Variants in C5orf34 observed in about 807,000 individuals in gnomAD.
C5orf34 encodes the protein uncharacterized protein C5orf34.
Under a neutral mutation model 78.4 loss-of-function variants are expected in C5orf34, and 73 were observed. That is an observed-to-expected ratio of 0.93 (90% CI 0.77 to 1.13). The LOEUF (loss-of-function observed/expected upper bound fraction) is 1.13. Ranked by LOEUF, C5orf34 falls within the 50% of genes most tolerant of loss-of-function variation. C5orf34 has a pLI of 0.00. For missense variants in C5orf34, 730 were observed against 732.7 expected, an observed-to-expected ratio of 1.00 and a Z score of 0.04; for synonymous variants, 251 against 246.6, an observed-to-expected ratio of 1.02 and a Z score of -0.17.
chr5:43,488,894 G>A lies in C5orf34; in HGVS notation c.1680-945C>T, dbSNP rs150869000. On this transcript the variant is annotated intron_variant, in intron 11 of 12. Transcript: ENST00000306862. ...GTCACCAGAAAAATCTTCACAGTTC[G>A]TAGTAGGTTGTGTGACTTGTCTGCT... Among the ~76,000 whole-genome samples, 796 of 152,118 alleles carry A rather than the reference G, an allele frequency of 5.2e-3. 9 individuals carry two copies. Among genetic ancestry groups the A allele is most frequent in the African/African-American group, 0.017 (698 of 41,508 alleles).
intron 3 of C5orf34, 101 bp downstream of exon 3, chr5:43,508,476 C>T: frequency 1.5e-6 from 1 of 681,858 alleles, no homozygotes; most frequent in South Asian, 1.9e-5. Flanking sequence ...CAATGTATCC[C>T]CAGGTGTCCT....
chr5:43,509,432 T>C, intron 1 of C5orf34, 57 bp from the exon 2 acceptor site: 1 of 1,039,462 alleles, frequency 9.6e-7, no homozygotes, highest in Non-Finnish European at 1.3e-6. Flanking sequence ...ACAAAACTTT[T>C]ATCAAAATAA....
At position 43,502,436 on chromosome 5, in the gene C5orf34, T is replaced by G. The variant is rs758035854; in HGVS notation, c.1088A>C (p.Lys363Thr). The G allele has an allele frequency of 6.3e-7, 1 of 1,596,678 alleles. No individual in the cohort carries two copies. Among genetic ancestry groups the G allele is most frequent in the Non-Finnish European group, 8.6e-7 (1 of 1,164,926 alleles). Residue 363 changes from lysine (K) to threonine (T), a missense_variant, in exon 6 of 13, where the codon AAA (lysine) becomes ACA (threonine). By Grantham distance (78) the Lys-to-Thr change is moderately conservative (BLOSUM62 -1). Transcript: ENST00000306862. ...GTTCCCAAAATAAGCCCCTTCTGATTTGAAAACAGATCCATCCCCAGAATA... is the reference window on the plus strand; with the variant it reads ...GTTCCCAAAATAAGCCCCTTCTGATGTGAAAACAGATCCATCCCCAGAATA... ...EIYSGDGSVF[K>T]SEGAYFGNYF...
Position 43,486,988 on chromosome 5 carries a change from A to G in C5orf34, c.1844T>C (p.Val615Ala), listed in dbSNP as rs775188344. The G allele has an allele frequency of 5.7e-6, 9 of 1,589,288 alleles. No individual in the cohort carries two copies. The Admixed American group carries it at 1.6e-4, about 28-fold the overall frequency. The change falls in exon 13 of 13, where the codon GTA becomes GCA. Residue 615 changes from valine to alanine, a missense_variant. Physicochemically the swap from Val to Ala is moderately conservative, Grantham distance 64. Coordinates refer to ENST00000306862, the MANE Select transcript of C5orf34 (RefSeq NM_198566.4). ...AGAGGTTTTTTTCAATGCTATTGAT[A>G]CTCTATTTTCATTAACTTCTCCTAG... ...TLLGEVNENR[V>A]SIALKKTSEI...
At chr5:43,514,708 T>C (rs1340387908) in intron 1 of C5orf34, 98 bp downstream of exon 1, 3 of 152,198 alleles carry the variant, frequency 2.0e-5, no homozygotes, top group African/African-American at 2.4e-5. Context: ...ACAAGTCTGT[T>C]CTTGACATGA....
rs185194978 is a variant in C5orf34, at chr5:43,495,583, G to A, written c.1153-982C>T. ...CACTCAAAGCTTCATGGTGCATTTCGACAGATTTTACTTCTGTTGTAATGT... is the reference window on the plus strand; with the variant it reads ...CACTCAAAGCTTCATGGTGCATTTCAACAGATTTTACTTCTGTTGTAATGT... On this transcript the variant is annotated intron_variant, in intron 6 of 12. Coordinates refer to ENST00000306862, the MANE Select transcript of C5orf34 (RefSeq NM_198566.4). The A allele has an allele frequency of 2.0e-4, 328 of 1,611,984 alleles. 2 individuals are homozygous for A. The East Asian group carries it at 6.3e-3, about 31-fold the overall frequency.
At position 43,514,991 on chromosome 5, in the gene C5orf34, G is replaced by A. The variant is rs1028071702; in HGVS notation, c.-222C>T. The stretch of plus-strand genomic sequence containing the variant: ...GTGAAAGAAAAAAATCACAACCCTA[G>A]AGGAATAAGGTGGCAGGGAGAGTGT... On this transcript the variant is annotated 5_prime_UTR_variant, in exon 1 of 13. Transcript: ENST00000306862. 8 of 152,196 alleles carry A rather than the reference G, an allele frequency of 5.3e-5. No individual in the cohort carries two copies. The highest frequency in any genetic ancestry group is 5.2e-4 in the Admixed American group (8 of 15,278). 9.4% of individuals were successfully genotyped at this position (152,196 alleles called of 1,614,324 possible).
intron 1 of C5orf34, among the ~76,000 whole-genome samples, chr5:43,513,149 ATCT>A (rs1186896839): frequency 2.6e-5 from 4 of 152,044 alleles, no homozygotes; most frequent in African/African-American, 7.2e-5. Context: ...ATCATCTGTA[ATCT>A]TCTGAGGATA....
intron 3 of C5orf34, among the ~76,000 whole-genome samples, chr5:43,507,894 T>C (rs1336262087): frequency 6.6e-6 from 1 of 151,710 alleles, no homozygotes; most frequent in Non-Finnish European, 1.5e-5. Context: ...CTGGCTAACA[T>C]GATGAAACCC....
intron 6 of C5orf34, among the ~76,000 whole-genome samples, chr5:43,496,943 T>A (rs2112289554): frequency 6.6e-6 from 1 of 152,268 alleles, no homozygotes; most frequent in South Asian, 2.1e-4. Context: ...GTAACCAAAC[T>A]AATTTTCCTA....
chr5:43,503,728 T>A lies in C5orf34; in HGVS notation c.965A>T (p.Gln322Leu). The change falls in exon 5 of 13, where the codon CAA (glutamine) becomes CTA (leucine). Residue 322 changes from glutamine (Q) to leucine (L), a missense_variant. Gln to Leu is a moderately radical substitution (Grantham distance 113, BLOSUM62 -2). Transcript: ENST00000306862. Reference protein sequence around the residue: ...WNFCDSLLQRQSDEYSYPELV... With the variant: ...WNFCDSLLQRLSDEYSYPELV... ...TTCAGGATAGGAATATTCATCAGATTGTCTCTGTAAAAGTGAATCACAAAA... is the reference window on the plus strand; with the variant it reads ...TTCAGGATAGGAATATTCATCAGATAGTCTCTGTAAAAGTGAATCACAAAA... The A allele has an allele frequency of 6.2e-7, 1 of 1,613,672 alleles. No individual in the cohort carries two copies. Among genetic ancestry groups the A allele is most frequent in the Admixed American group, 1.7e-5 (1 of 60,022 alleles).
At chr5:43,513,327 T>C (rs1746355332) in intron 1 of C5orf34, among the ~76,000 whole-genome samples, 1 of 152,166 alleles carries the variant, frequency 6.6e-6, no homozygotes, top group East Asian at 1.9e-4. Context: ...CATAGATAAA[T>C]CAAACTCAAC....
chr5:43,511,778 A>T (rs1746271359), intron 1 of C5orf34, among the ~76,000 whole-genome samples: 1 of 152,164 alleles, frequency 6.6e-6, no homozygotes, highest in African/African-American at 2.4e-5. Flanking sequence ...TCAGGGTTAA[A>T]TGGATTAAGG....
Position 43,490,723 on chromosome 5 carries a change from C to CACG in C5orf34, c.1586_1587insCGT (p.Val529dup), listed in dbSNP as rs749724996. Reference sequence around the variant, plus strand: ...TCCTGCACCATGATGTTACTGTTGTCACATATCTAAAGTGAATACATTAAA... The same window carrying CACG: ...TCCTGCACCATGATGTTACTGTTGTCACGACATATCTAAAGTGAATACATTAAA... On this transcript the variant is annotated inframe_insertion, in exon 11 of 13. Coordinates refer to ENST00000306862, the MANE Select transcript of C5orf34 (RefSeq NM_198566.4). 2 of 1,562,306 alleles carry CACG rather than the reference C, an allele frequency of 1.3e-6. No individual in the cohort carries two copies. The highest frequency in any genetic ancestry group is 1.7e-4 in the Middle Eastern group (1 of 5,976).
rs762173212 is a variant in C5orf34 at position 43,492,794 on chromosome 5, C to T, written c.1411G>A (p.Val471Ile). The T allele has an allele frequency of 2.5e-6, 4 of 1,613,138 alleles. No individual in the cohort carries two copies. Among genetic ancestry groups the T allele is most frequent in the Non-Finnish European group, 3.4e-6 (4 of 1,179,392 alleles). ...ATGCCATCTAAAAAGATAGCATGTA[C>T]TTTGTCATCAGAGTAGGCAAGAAAT... ...GRFLAYSDDK[V>I]HAIFLDGITL... is the part of the protein sequence containing the mutation. The change falls in exon 9 of 13, where the codon GTA (valine) becomes ATA (isoleucine). Residue 471 changes from valine to isoleucine, a missense_variant. Coordinates refer to ENST00000306862, the MANE Select transcript of C5orf34 (RefSeq NM_198566.4).
intron 10 of C5orf34, among the ~76,000 whole-genome samples, chr5:43,491,332 AAC>A (rs1745270680): frequency 1.3e-5 from 2 of 152,200 alleles, no homozygotes; most frequent in African/African-American, 4.8e-5. Flanking sequence ...CTTAGACTGA[AAC>A]ACAATAAAAC....
intron 6 of C5orf34, 40 bp from the exon 7 acceptor site, chr5:43,494,641 A>G: frequency 7.4e-7 from 1 of 1,356,268 alleles, no homozygotes; most frequent in African/African-American, 1.4e-5. Flanking sequence ...TTAATAATAA[A>G]TTTTGGCCTT....
At position 43,509,074 on chromosome 5, in the gene C5orf34, C is replaced by T. The variant is rs893945881; in HGVS notation, c.195+71G>A. ...GAGCTATGGTAGTGCCACTGTACTC[C>T]AGCCTGGGTGACAGAGCAAGAACCT... On this transcript the variant is annotated intron_variant, in intron 2 of 12. Coordinates refer to ENST00000306862, the MANE Select transcript of C5orf34 (RefSeq NM_198566.4). 1.4e-4 allele frequency: 182 copies of T among 1,264,228 alleles called. No homozygotes were observed. The South Asian group carries it at 2.0e-3, about 14-fold the overall frequency. 78.3% of individuals were successfully genotyped at this position (1,264,228 alleles called of 1,614,324 possible).
At chr5:43,490,030 T>G (rs1745216385) in intron 11 of C5orf34, among the ~76,000 whole-genome samples, 1 of 152,164 alleles carries the variant, frequency 6.6e-6, no homozygotes, top group African/African-American at 2.4e-5. Context: ...ATATGTTCCA[T>G]AAAAACTATC....
Sources: gnomAD v4.1 joint callset for allele counts (sites outside exome capture counted in the v4.1 genomes callset) on GRCh38, gnomAD v4.1.1 for gene constraint, MANE v1.5 for transcripts, NCBI Gene and HGNC (gene_info 2026-07-23, HGNC 2026-07-21) for gene names.